The following DGKB variants were observed in gnomAD, a reference collection of about 807,000 sequenced individuals.
The protein encoded by DGKB is 90 kDa diacylglycerol kinase.
DGKB carries 67 observed loss-of-function variants against 114.3 expected under a neutral mutation model. The observed-to-expected ratio is 0.59, with a 90% CI of 0.48 to 0.72. DGKB has a LOEUF of 0.72. DGKB is among the 30% of genes least tolerant of loss of function. The pLI, the probability that DGKB is intolerant of heterozygous loss-of-function variation, is 0.00. For synonymous variants in DGKB, 398 were observed against 323.1 expected (o/e 1.23, Z -2.49); for missense variants, 907 against 975.2 (o/e 0.93, Z 0.93).
intron 21 of DGKB, among the ~76,000 whole-genome samples, chr7:14,447,956 C>A (rs149946915): frequency 1.7e-3 from 253 of 152,162 alleles, no homozygotes; most frequent in South Asian, 4.4e-3. Flanking sequence ...CATTTAAATG[C>A]CAAGAAACTT....
At chr7:14,394,260 C>G (rs1821893187) in intron 21 of DGKB, among the ~76,000 whole-genome samples, 1 of 152,172 alleles carries the variant, frequency 6.6e-6, no homozygotes, top group Non-Finnish European at 1.5e-5. Flanking sequence ...TCGTTAAAGA[C>G]TTTGCTATTA....
chr7:14,365,098 T>C (rs1266967060), intron 21 of DGKB, among the ~76,000 whole-genome samples: 2 of 151,522 alleles, frequency 1.3e-5, no homozygotes, highest in African/African-American at 4.8e-5. Context: ...ATCTTGGGGG[T>C]AGGGGCTCTT....
In DGKB at chr7:14,939,795, A is replaced by C. The variant is rs572586843; in HGVS notation, c.-188+34901T>G. ...CGCCCAGCTAATTTTTTGTATTTTT[A>C]GTAGAGACAGGATTTCACCGTGTTA... On this transcript the variant is annotated intron_variant, in intron 1 of 4. Transcript: ENST00000437998. Among the ~76,000 whole-genome samples the C allele has an allele frequency of 5.9e-5, 9 of 151,824 alleles. No homozygotes were observed. In the East Asian group the frequency reaches 1.8e-3, roughly 30 times the overall value.
chr7:14,873,754 A>T (rs1852832038), intron 1 of DGKB, among the ~76,000 whole-genome samples: 1 of 152,006 alleles, frequency 6.6e-6, no homozygotes, highest in African/African-American at 2.4e-5. Context: ...TTGCCCTTAT[A>T]TTCCAAAATT....
At position 14,542,471 on chromosome 7, in the gene DGKB, C is replaced by G; in HGVS notation, c.1770+31741G>C. On this transcript the variant is annotated intron_variant, in intron 20 of 25. Transcript: ENST00000402815. ...ACATTCTTCTTGTCCAGAAAACTCT[C>G]ACACATTAGATTTTCCTATTTAATC... is the stretch of plus-strand genomic sequence containing the variant. Among the ~76,000 whole-genome samples the G allele has an allele frequency of 1.3e-5, 2 of 151,974 alleles. 1 individual carries two copies. The highest frequency in any genetic ancestry group is 2.9e-5 in the Non-Finnish European group (2 of 68,000).
rs918879971 is a variant in DGKB, at chr7:14,716,204, C to G, written c.466+2338G>C. Among the ~76,000 whole-genome samples the G allele has an allele frequency of 4.6e-5, 7 of 152,136 alleles. 1 individual carries two copies. Among genetic ancestry groups the G allele is most frequent in the Admixed American group, 1.3e-4 (2 of 15,252 alleles). On this transcript the variant is annotated intron_variant, in intron 6 of 25. Transcript: ENST00000402815. ...CACTGGACAGAAGGAATTGCATAAG[C>G]CAGTGCTTCTCAAAATGTGATCCCT...
At chr7:14,329,712 G>A (rs377318314) in intron 23 of DGKB, among the ~76,000 whole-genome samples, 1 of 151,808 alleles carries the variant, frequency 6.6e-6, no homozygotes, top group Non-Finnish European at 1.5e-5. Context: ...ACCCTCAAAG[G>A]GCAAGATCGC....
rs574021182 is a variant in DGKB at position 14,942,714 on chromosome 7, T to C, written c.-188+31982A>G. Among the ~76,000 whole-genome samples, 4 of 152,154 alleles carry C rather than the reference T, an allele frequency of 2.6e-5. 1 individual carries two copies. Among genetic ancestry groups the C allele is most frequent in the African/African-American group, 9.6e-5 (4 of 41,540 alleles). ...TCTTTGACTTTTCCACTTTGTCTTC[T>C]GGAATTTTCTTTCCCCAGATATTTG... is the stretch of plus-strand genomic sequence containing the variant. On this transcript the variant is annotated intron_variant, in intron 1 of 4. Coordinates refer to the DGKB transcript ENST00000437998.
At chr7:14,680,498 A>G (rs1029964337) in intron 12 of DGKB, among the ~76,000 whole-genome samples, 4 of 152,014 alleles carry the variant, frequency 2.6e-5, no homozygotes, top group African/African-American at 4.8e-5. Context: ...AGAAAAATGA[A>G]TAACTTGTGA....
At chr7:14,973,164 C>T (rs2115314080) in intron 1 of DGKB, among the ~76,000 whole-genome samples, 1 of 151,980 alleles carries the variant, frequency 6.6e-6, no homozygotes, top group African/African-American at 2.4e-5. Flanking sequence ...AGTCTGAAAT[C>T]CTCCCGTCTT....
chr7:14,153,098 A>AAAG (rs920965495), intron 25 of DGKB, among the ~76,000 whole-genome samples: 4 of 152,076 alleles, frequency 2.6e-5, no homozygotes, highest in Non-Finnish European at 5.9e-5. Flanking sequence ...TGTTCTCTTC[A>AAAG]AAGACTTTGT....
At chr7:14,526,403 C>T (rs1236782856) in intron 20 of DGKB, among the ~76,000 whole-genome samples, 1 of 152,022 alleles carries the variant, frequency 6.6e-6, no homozygotes, top group Non-Finnish European at 1.5e-5. Context: ...GGGGCGAAAT[C>T]AACTCCACTG....
intron 23 of DGKB, among the ~76,000 whole-genome samples, chr7:14,283,024 A>C (rs1465255420): frequency 3.3e-5 from 5 of 151,844 alleles, no homozygotes; most frequent in Admixed American, 1.3e-4. Flanking sequence ...GCAATTAGTC[A>C]GGAGAAGGAA....
chr7:14,186,861 C>G (rs1157201798), intron 23 of DGKB, among the ~76,000 whole-genome samples: 1 of 151,884 alleles, frequency 6.6e-6, no homozygotes, highest in African/African-American at 2.4e-5. Context: ...ACTTTGGGGA[C>G]TTGGGGGGAA....
At chr7:14,723,394 A>G (rs1829524510) in intron 5 of DGKB, among the ~76,000 whole-genome samples, 1 of 102,146 alleles carries the variant, frequency 9.8e-6, no homozygotes, top group African/African-American at 4.5e-5. Context: ...GGGCAAAACA[A>G]AAGGGTTTGT....
intron 17 of DGKB, among the ~76,000 whole-genome samples, chr7:14,600,058 G>A (rs888143672): frequency 9.2e-5 from 14 of 152,130 alleles, no homozygotes; most frequent in Admixed American, 9.2e-4. Flanking sequence ...ATTTCTGGAG[G>A]CTGGGAAGTC....
intron 23 of DGKB, among the ~76,000 whole-genome samples, chr7:14,187,303 C>G (rs934831441): frequency 1.1e-4 from 17 of 152,168 alleles, no homozygotes; most frequent in African/African-American, 3.6e-4. Flanking sequence ...CAGCAGCAGA[C>G]AAACCTCCCT....
chr7:14,722,640 C>T (rs151010843), intron 5 of DGKB, among the ~76,000 whole-genome samples: 4 of 151,844 alleles, frequency 2.6e-5, no homozygotes, highest in Admixed American at 1.3e-4. Flanking sequence ...GGTGAAACCT[C>T]GTCTCTACTA....
At chr7:14,937,032 AC>A (rs1785306787) in intron 1 of DGKB, among the ~76,000 whole-genome samples, 2 of 81,972 alleles carry the variant, frequency 2.4e-5, no homozygotes, top group African/African-American at 5.1e-5. Context: ...CACTACACAC[AC>A]ACACACACAC....
Sources: allele counts gnomAD v4.1 joint callset (sites outside exome capture counted in the v4.1 genomes callset), GRCh38; gene constraint gnomAD v4.1.1; transcripts MANE v1.5; gene names NCBI Gene and HGNC (gene_info 2026-07-23, HGNC 2026-07-21).